ANO2: variants seen among roughly 807,000 people sequenced by gnomAD.
ANO2 encodes anoctamin 2.
A neutral mutation model predicts 124.2 loss-of-function variants in ANO2; 101 were observed. That is an observed-to-expected ratio of 0.81 (90% CI 0.69 to 0.96). ANO2 has a LOEUF of 0.96. Ranked by LOEUF, ANO2 falls within the 40% of genes least tolerant of loss-of-function variation. The pLI is 0.00. For synonymous variants in ANO2, 486 were observed against 482.5 expected (o/e 1.01, Z -0.09); for missense variants, 1,293 against 1,274.5 (o/e 1.01, Z -0.22).
intron 1 of ANO2, among the ~76,000 whole-genome samples, chr12:5,924,786 CT>C (rs1201991887): frequency 5.9e-5 from 9 of 152,208 alleles, no homozygotes; most frequent in African/African-American, 2.2e-4. Flanking sequence ...CAGCCTCCCT[CT>C]TTCCCCCACA....
intron 20 of ANO2, among the ~76,000 whole-genome samples, chr12:5,588,301 A>G (rs376971893): frequency 1.2e-4 from 18 of 152,234 alleles, no homozygotes; most frequent in African/African-American, 4.3e-4. Context: ...AGTCCAAGAC[A>G]TGGGCCCTTC....
At chr12:5,932,222 A>G (rs1942433315) in intron 1 of ANO2, among the ~76,000 whole-genome samples, 2 of 151,428 alleles carry the variant, frequency 1.3e-5, no homozygotes, top group African/African-American at 4.9e-5. Context: ...ACTAATAAGG[A>G]AAGAAGGTAG....
At chr12:5,796,691 C>T (rs1053743198) in intron 10 of ANO2, among the ~76,000 whole-genome samples, 6 of 152,216 alleles carry the variant, frequency 3.9e-5, no homozygotes, top group Non-Finnish European at 5.9e-5. Context: ...ACGAACGACA[C>T]TGCAGCCGGG....
chr12:5,800,391 T>G (rs140606555), intron 9 of ANO2, among the ~76,000 whole-genome samples: 7 of 152,286 alleles, frequency 4.6e-5, no homozygotes, highest in African/African-American at 1.7e-4. Flanking sequence ...ACTGGGAGAT[T>G]TGCAGTAGAG....
At chr12:5,654,155 G>C (rs1947051120) in intron 14 of ANO2, among the ~76,000 whole-genome samples, 1 of 152,186 alleles carries the variant, frequency 6.6e-6, no homozygotes, top group South Asian at 2.1e-4. Flanking sequence ...AGGGGTCATA[G>C]AGGACAAATA....
Position 5,574,613 on chromosome 12 carries a change from T to C in ANO2, c.2621+1221A>G, listed in dbSNP as rs182948992. 6.6e-4 allele frequency among the ~76,000 whole-genome samples: 101 copies of C among 152,278 alleles called. 1 individual carries two copies. The highest frequency in any genetic ancestry group is 2.3e-3 in the African/African-American group (96 of 41,552). ...CTGTCACCAACTCTGCAATATTTCATGTGAAATAGCTCATCTTCTCCTCTC... is the reference window on the plus strand; with the variant it reads ...CTGTCACCAACTCTGCAATATTTCACGTGAAATAGCTCATCTTCTCCTCTC... On this transcript the variant is annotated intron_variant, in intron 23 of 24. Coordinates refer to ENST00000682330, the MANE Select transcript of ANO2 (RefSeq NM_001364791.2).
At chr12:5,878,644 C>A (rs572911260) in intron 3 of ANO2, among the ~76,000 whole-genome samples, 1 of 152,134 alleles carries the variant, frequency 6.6e-6, no homozygotes, top group South Asian at 2.1e-4. Context: ...TAACATAGTA[C>A]CCAATACCAA....
chr12:5,697,689 G>T (rs1366126027), intron 14 of ANO2, among the ~76,000 whole-genome samples: 1 of 152,202 alleles, frequency 6.6e-6, no homozygotes, highest in African/African-American at 2.4e-5. Flanking sequence ...AGGGGTCAGG[G>T]AATTCCCTTT....
intron 20 of ANO2, 127 bp downstream of exon 20, chr12:5,599,357 C>T: frequency 8.7e-7 from 1 of 1,150,354 alleles, no homozygotes; most frequent in South Asian, 1.7e-5. Flanking sequence ...ACTGAATAGC[C>T]ATGAAGCTCA....
At chr12:5,731,362 TA>T (rs34286445) in intron 14 of ANO2, among the ~76,000 whole-genome samples, 21,374 of 146,950 alleles carry the variant, frequency 0.15, 1,887 homozygotes, top group African/African-American at 0.26. Context: ...TCTGTTTTCT[TA>T]AAAAAAAAAA....
At chr12:5,845,285 T>A (rs115333357) in intron 4 of ANO2, among the ~76,000 whole-genome samples, 5,278 of 148,236 alleles carry the variant, frequency 0.036, 228 homozygotes, top group African/African-American at 0.1. Context: ...AAAAAAAAAA[T>A]GGCCTGGCAC....
At chr12:5,626,543 C>T (rs1056194017) in intron 16 of ANO2, among the ~76,000 whole-genome samples, 3 of 152,028 alleles carry the variant, frequency 2.0e-5, no homozygotes, top group Admixed American at 6.6e-5. Flanking sequence ...ACCCAAGGAG[C>T]GAAGGGCAGG....
chr12:5,627,212 T>A (rs1284906870), intron 16 of ANO2, among the ~76,000 whole-genome samples: 1 of 152,174 alleles, frequency 6.6e-6, no homozygotes, highest in Non-Finnish European at 1.5e-5. Flanking sequence ...TTTAGAATAA[T>A]TTAAGCCAAC....
chr12:5,818,447 T>TTATATATATATATA (rs57443240), intron 7 of ANO2, among the ~76,000 whole-genome samples: 7 of 82,950 alleles, frequency 8.4e-5, no homozygotes, highest in African/African-American at 2.0e-4. Context: ...TAAACTCATA[T>TTATATATATATATA]TATATATATA....
At chr12:5,576,496 G>T (rs1181186268) in intron 22 of ANO2, among the ~76,000 whole-genome samples, 6 of 152,162 alleles carry the variant, frequency 3.9e-5, no homozygotes, top group African/African-American at 1.4e-4. Flanking sequence ...TGCTTAATTT[G>T]ACCATTATCT....
At chr12:5,914,838 T>A (rs896183480) in intron 3 of ANO2, among the ~76,000 whole-genome samples, 1 of 152,214 alleles carries the variant, frequency 6.6e-6, no homozygotes, top group Non-Finnish European at 1.5e-5. Flanking sequence ...GATTGTACTG[T>A]GCCTGGTTCT....
intron 10 of ANO2, among the ~76,000 whole-genome samples, chr12:5,793,051 G>A (rs927963856): frequency 6.6e-6 from 1 of 152,162 alleles, no homozygotes; most frequent in African/African-American, 2.4e-5. Context: ...GGAGTATTTG[G>A]GGTGTGGGAA....
chr12:5,590,330 G>A (rs771759153), intron 20 of ANO2, among the ~76,000 whole-genome samples: 1 of 152,200 alleles, frequency 6.6e-6, no homozygotes, highest in East Asian at 1.9e-4. Context: ...CCCAGCTCTA[G>A]AGGAAAGATC....
chr12:5,632,541 G>A (rs1442850370), intron 16 of ANO2, among the ~76,000 whole-genome samples: 2 of 152,070 alleles, frequency 1.3e-5, no homozygotes, highest in Non-Finnish European at 2.9e-5. Context: ...ATGGAGTCCT[G>A]GACATTGATC....
Sources: gnomAD v4.1 joint callset for allele counts (sites outside exome capture counted in the v4.1 genomes callset) on GRCh38, gnomAD v4.1.1 for gene constraint, MANE v1.5 for transcripts, NCBI Gene and HGNC (gene_info 2026-07-23, HGNC 2026-07-21) for gene names.